The following SPAG16 variants were observed in gnomAD, a reference collection of about 807,000 sequenced individuals.
SPAG16 encodes the protein sperm associated antigen 16.
In SPAG16, 86 loss-of-function variants were observed where a neutral mutation model predicts 80.4. That is an observed-to-expected ratio of 1.07 (90% CI 0.90 to 1.28). The LOEUF (loss-of-function observed/expected upper bound fraction) is 1.28. Among genes scored for constraint, SPAG16 ranks in the 50% most tolerant of loss-of-function variants. The pLI is 0.00. For missense variants in SPAG16, 870 were observed against 765.3 expected (o/e 1.14, Z -1.61); for synonymous variants, 294 against 265.9 (o/e 1.11, Z -1.03).
chr2:213,642,464 C>T (rs1442888687), intron 10 of SPAG16, among the ~76,000 whole-genome samples: 1 of 151,984 alleles, frequency 6.6e-6, no homozygotes, highest in Non-Finnish European at 1.5e-5. Context: ...AATATTGATC[C>T]TGGGTGTGTC....
intron 15 of SPAG16, among the ~76,000 whole-genome samples, chr2:214,149,704 G>A (rs1333776122): frequency 6.6e-6 from 1 of 152,046 alleles, no homozygotes; most frequent in Non-Finnish European, 1.5e-5. Context: ...ACCCCATATT[G>A]TGTAGAGTTT....
rs530426151 is a variant in SPAG16, at chr2:214,135,860, A to G, written c.1594-13280A>G. Among the ~76,000 whole-genome samples, 26 of 152,232 alleles carry G rather than the reference A, an allele frequency of 1.7e-4. No homozygotes were observed. The East Asian group carries it at 4.6e-3, about 27-fold the overall frequency. The stretch of plus-strand genomic sequence containing the variant: ...CTCACCAGAAGCAGATACTGGCGCC[A>G]TGCTTCTATAGTCTGCCGACTGCAG... On this transcript the variant is annotated intron_variant, in intron 14 of 15. Coordinates refer to ENST00000331683, the MANE Select transcript of SPAG16 (RefSeq NM_024532.5).
At chr2:214,033,215 T>A (rs768753561) in intron 13 of SPAG16, among the ~76,000 whole-genome samples, 2 of 152,186 alleles carry the variant, frequency 1.3e-5, no homozygotes, top group East Asian at 3.8e-4. Flanking sequence ...AAGATTACTG[T>A]CATTATTCTT....
intron 10 of SPAG16, among the ~76,000 whole-genome samples, chr2:213,796,025 C>T (rs891055984): frequency 1.3e-5 from 2 of 152,016 alleles, no homozygotes; most frequent in Non-Finnish European, 1.5e-5. Flanking sequence ...GGAAAAAAGT[C>T]ACATAATTAT....
intron 3 of SPAG16, among the ~76,000 whole-genome samples, chr2:213,302,065 A>G (rs1297736585): frequency 6.6e-6 from 1 of 152,156 alleles, no homozygotes; most frequent in African/African-American, 2.4e-5. Flanking sequence ...AATCCTGTCT[A>G]CTTAGAAAAT....
At chr2:214,122,442 A>C (rs897090299) in intron 14 of SPAG16, among the ~76,000 whole-genome samples, 1 of 151,980 alleles carries the variant, frequency 6.6e-6, no homozygotes, top group Middle Eastern at 3.4e-3. Flanking sequence ...GATAAACAAA[A>C]AACTGCAATT....
At chr2:214,050,483 A>G (rs565433992) in intron 13 of SPAG16, among the ~76,000 whole-genome samples, 2 of 152,214 alleles carry the variant, frequency 1.3e-5, no homozygotes, top group African/African-American at 4.8e-5. Flanking sequence ...AAGAGCTTCA[A>G]GTCGCTATAT....
At chr2:213,628,611 G>T (rs191408459) in intron 10 of SPAG16, among the ~76,000 whole-genome samples, 63 of 152,240 alleles carry the variant, frequency 4.1e-4, no homozygotes. Context: ...ACTTGGATTC[G>T]CACAACTTGT....
chr2:213,948,440 T>A (rs1481964312), intron 12 of SPAG16, among the ~76,000 whole-genome samples: 1 of 152,226 alleles, frequency 6.6e-6, no homozygotes, highest in East Asian at 1.9e-4. Flanking sequence ...GAATACGAAA[T>A]TCTTTTTAAA....
intron 9 of SPAG16, among the ~76,000 whole-genome samples, chr2:213,464,182 T>C (rs546255741): frequency 3.3e-5 from 5 of 152,336 alleles, no homozygotes; most frequent in African/African-American, 4.8e-5. Flanking sequence ...AAGGAAATCA[T>C]TGGTGAGAAA....
chr2:213,629,651 A>T (rs907917877), intron 10 of SPAG16, among the ~76,000 whole-genome samples: 1 of 152,180 alleles, frequency 6.6e-6, no homozygotes, highest in Non-Finnish European at 1.5e-5. Context: ...TTGCCTTCAG[A>T]TCTATTCCTC....
intron 15 of SPAG16, among the ~76,000 whole-genome samples, chr2:214,312,856 T>C (rs2125981547): frequency 6.6e-6 from 1 of 152,318 alleles, no homozygotes; most frequent in South Asian, 2.1e-4. Flanking sequence ...TTTCCCTTTC[T>C]TGCTTTTTTT....
At chr2:214,405,590 G>A (rs1167996397) in intron 15 of SPAG16, among the ~76,000 whole-genome samples, 2 of 152,172 alleles carry the variant, frequency 1.3e-5, no homozygotes, top group Non-Finnish European at 2.9e-5. Context: ...GAGGTCAGGA[G>A]TTCAAGACCA....
chr2:214,045,235 G>T (rs1465570006), intron 13 of SPAG16, among the ~76,000 whole-genome samples: 2 of 152,120 alleles, frequency 1.3e-5, no homozygotes, highest in African/African-American at 4.8e-5. Context: ...TAAGAGTTGT[G>T]AGACCTCCTT....
At chr2:213,607,335 T>TA (rs968688216) in intron 10 of SPAG16, among the ~76,000 whole-genome samples, 1 of 152,126 alleles carries the variant, frequency 6.6e-6, no homozygotes, top group African/African-American at 2.4e-5. Flanking sequence ...GCACCTTTCT[T>TA]AAAAAAAGAA....
intron 12 of SPAG16, among the ~76,000 whole-genome samples, chr2:214,006,586 GA>G (rs996105924): frequency 3.9e-5 from 6 of 152,054 alleles, no homozygotes; most frequent in Admixed American, 2.0e-4. Context: ...AAAAATGATA[GA>G]AAAAAAAGAT....
intron 10 of SPAG16, among the ~76,000 whole-genome samples, chr2:213,702,129 C>G (rs2065462011): frequency 6.6e-6 from 1 of 152,316 alleles, no homozygotes; most frequent in South Asian, 2.1e-4. Flanking sequence ...CTGTGTCTAG[C>G]TTAGGGATCG....
At chr2:213,303,919 T>C (rs1457329454) in intron 3 of SPAG16, among the ~76,000 whole-genome samples, 2 of 152,130 alleles carry the variant, frequency 1.3e-5, no homozygotes, top group South Asian at 2.1e-4. Context: ...CTGAATCATA[T>C]TAAATAACTC....
chr2:213,677,500 A>G (rs2064146506), intron 10 of SPAG16, among the ~76,000 whole-genome samples: 1 of 152,064 alleles, frequency 6.6e-6, no homozygotes, highest in African/African-American at 2.4e-5. Flanking sequence ...TTAAACCAAC[A>G]AAGATCAAAA....
Sources: gnomAD v4.1 joint callset for allele counts (sites outside exome capture counted in the v4.1 genomes callset) on GRCh38, gnomAD v4.1.1 for gene constraint, MANE v1.5 for transcripts, NCBI Gene and HGNC (gene_info 2026-07-23, HGNC 2026-07-21) for gene names.